GINS1: variants seen among roughly 807,000 people sequenced by gnomAD.
The protein encoded by GINS1 is DNA replication complex GINS protein PSF1.
GINS1 carries 26 observed loss-of-function variants against 34.9 expected under a neutral mutation model. The ratio of observed to expected loss-of-function variants is 0.74; its 90% CI spans 0.55 to 1.03. GINS1 has a LOEUF of 1.03. GINS1 is among the 50% of genes least tolerant of loss of function. The pLI is 0.00. For synonymous variants in GINS1, 97 were observed against 84.4 expected (o/e 1.15, Z -0.82); for missense variants, 235 against 237.9 (o/e 0.99, Z 0.08).
chr20:25,446,191 A>C lies in GINS1; in HGVS notation c.*200A>C. On this transcript the variant is annotated 3_prime_UTR_variant, in exon 7 of 7. Transcript: ENST00000262460. ...TTTAATGTTGTACACTATTCTTCCTACTCTTTTTTGGTTTTGGTTTTGTTT... is the reference window on the plus strand; with the variant it reads ...TTTAATGTTGTACACTATTCTTCCTCCTCTTTTTTGGTTTTGGTTTTGTTT... The C allele has an allele frequency of 2.4e-6, 1 of 410,564 alleles. No individual in the cohort carries two copies. Among genetic ancestry groups the C allele is most frequent in the Non-Finnish European group, 4.3e-6 (1 of 231,598 alleles). The allele number at this position is 410,564 out of a possible 1,614,324, so 25.4% of individuals were successfully genotyped here. A position where few individuals can be genotyped will look rare whatever the true frequency, so the allele number is the denominator to read the frequency against.
chr20:25,427,548 C>G (rs1028118673), intron 5 of GINS1, among the ~76,000 whole-genome samples: 1 of 152,130 alleles, frequency 6.6e-6, no homozygotes, highest in Non-Finnish European at 1.5e-5. Flanking sequence ...TTTTATTTCC[C>G]TAATGATTAG....
rs1317378258 is a variant in GINS1, at chr20:25,418,461, CATT to C, written c.330+273_330+275del. Among the ~76,000 whole-genome samples the C allele has an allele frequency of 2.0e-5, 3 of 152,140 alleles. No homozygotes were observed. The East Asian group carries it at 5.8e-4, about 29-fold the overall frequency. ...TCCATCAGTGGGATTAAAAAACTGGCATTATTATTTGGTGATATTCCATGAAAT... is the reference window on the plus strand; with the variant it reads ...TCCATCAGTGGGATTAAAAAACTGGCATTATTTGGTGATATTCCATGAAAT... On this transcript the variant is annotated intron_variant, in intron 4 of 6. Transcript: ENST00000262460.
Position 25,423,903 on chromosome 20 carries a change from C to T in GINS1, c.331-1308C>T, listed in dbSNP as rs1255996948. 2.6e-5 allele frequency among the ~76,000 whole-genome samples: 4 copies of T among 152,094 alleles called. No individual in the cohort carries two copies. In the South Asian group the frequency reaches 6.2e-4, roughly 24 times the overall value. Reference sequence around the variant, plus strand: ...TTCTGGGATTACAGGCGTGAGCCACCGTGCCCGGCCTTTTTTCTATGTAAT... The same window carrying T: ...TTCTGGGATTACAGGCGTGAGCCACTGTGCCCGGCCTTTTTTCTATGTAAT... On this transcript the variant is annotated intron_variant, in intron 4 of 6. Coordinates refer to ENST00000262460, the MANE Select transcript of GINS1 (RefSeq NM_021067.5).
intron 1 of GINS1, among the ~76,000 whole-genome samples, chr20:25,411,563 C>T (rs532541719): frequency 6.6e-6 from 1 of 152,200 alleles, no homozygotes; most frequent in South Asian, 2.1e-4. Flanking sequence ...CTTTGGGAGA[C>T]CATGGCAGGC....
At chr20:25,440,608 C>T (rs61547190) in intron 5 of GINS1, among the ~76,000 whole-genome samples, 2 of 151,846 alleles carry the variant, frequency 1.3e-5, no homozygotes, top group African/African-American at 4.8e-5. Context: ...GTCAGGAGTT[C>T]GAAACCAGCC....
chr20:25,420,781 CAAAAA>C (rs10540213), intron 4 of GINS1: 99 of 618,064 alleles, frequency 1.6e-4, no homozygotes, highest in Non-Finnish European at 1.7e-4. Context: ...GACCCTGTCT[CAAAAA>C]AAAAAAAAAA....
At chr20:25,410,521 A>T (rs1368509533) in intron 1 of GINS1, among the ~76,000 whole-genome samples, 1 of 152,132 alleles carries the variant, frequency 6.6e-6, no homozygotes, top group Non-Finnish European at 1.5e-5. Context: ...AGGAAGGCTG[A>T]CAGTGGATCT....
intron 5 of GINS1, among the ~76,000 whole-genome samples, chr20:25,436,899 T>C (rs991120317): frequency 1.3e-5 from 2 of 152,216 alleles, no homozygotes; most frequent in African/African-American, 4.8e-5. Flanking sequence ...AAACCAGACA[T>C]TTCAGTCTAA....
At chr20:25,424,624 T>C (rs532652742) in intron 4 of GINS1, among the ~76,000 whole-genome samples, 2 of 152,318 alleles carry the variant, frequency 1.3e-5, no homozygotes, top group East Asian at 3.9e-4. Flanking sequence ...ATAGTTACTC[T>C]ATATTTTCTT....
intron 4 of GINS1, among the ~76,000 whole-genome samples, chr20:25,423,621 T>C (rs2090372176): frequency 1.2e-5 from 1 of 81,434 alleles, no homozygotes; most frequent in Non-Finnish European, 2.4e-5. Context: ...TCTTTTTTTT[T>C]TTTTTTTTCC....
chr20:25,417,526 C>T (rs530110224), intron 3 of GINS1, among the ~76,000 whole-genome samples: 9 of 152,120 alleles, frequency 5.9e-5, no homozygotes, highest in South Asian at 2.1e-4. Flanking sequence ...CTACTGAATA[C>T]GGTAGTGTTC....
chr20:25,432,529 C>T (rs555499526), intron 5 of GINS1, among the ~76,000 whole-genome samples: 146 of 152,050 alleles, frequency 9.6e-4, no homozygotes, highest in Non-Finnish European at 2.0e-3. Context: ...TGCAGTGGTG[C>T]GATCTTGGCT....
chr20:25,445,045 T>G (rs1265456712), intron 6 of GINS1, among the ~76,000 whole-genome samples: 1 of 152,220 alleles, frequency 6.6e-6, no homozygotes, highest in Non-Finnish European at 1.5e-5. Flanking sequence ...TGCATAAATT[T>G]TAAAAATATA....
chr20:25,410,905 C>T (rs1410251242), intron 1 of GINS1, among the ~76,000 whole-genome samples: 4 of 152,120 alleles, frequency 2.6e-5, no homozygotes, highest in Admixed American at 2.6e-4. Flanking sequence ...TGGTTAAGCG[C>T]TGTGTTCAGC....
At chr20:25,418,919 G>A (rs940835511) in intron 4 of GINS1, among the ~76,000 whole-genome samples, 2 of 152,160 alleles carry the variant, frequency 1.3e-5, no homozygotes, top group African/African-American at 4.8e-5. Flanking sequence ...TTAATCACAT[G>A]GTTGGTCTTT....
chr20:25,413,845 A>G lies in GINS1; in HGVS notation c.131A>G (p.Gln44Arg). 6.5e-7 allele frequency: 1 copy of G among 1,536,296 alleles called. No homozygotes were observed. Among genetic ancestry groups the G allele is most frequent in the Non-Finnish European group, 9.0e-7 (1 of 1,108,910 alleles). ...EEMKALYEQN[Q>R]SDVNEAKSGG... ...ATGAAAGCTTTGTATGAACAAAACC[A>G]GTCTGATGTGTAAGTTTCATAAGAT... The change falls in exon 2 of 7, where the codon CAG becomes CGG. Residue 44 changes from glutamine to arginine, a missense_variant. By Grantham distance (43) the Gln-to-Arg change is conservative (BLOSUM62 1). Coordinates refer to ENST00000262460, the MANE Select transcript of GINS1 (RefSeq NM_021067.5).
chr20:25,439,566 A>G (rs2090471492), intron 5 of GINS1, among the ~76,000 whole-genome samples: 1 of 152,152 alleles, frequency 6.6e-6, no homozygotes, highest in African/African-American at 2.4e-5. Context: ...TATAGATTAA[A>G]AGAGACTTAC....
intron 5 of GINS1, among the ~76,000 whole-genome samples, chr20:25,430,623 T>C (rs2090421808): frequency 1.3e-5 from 2 of 152,146 alleles, no homozygotes; most frequent in Non-Finnish European, 2.9e-5. Context: ...CTCTGCCTCC[T>C]GGGTTCAAGC....
Position 25,446,155 on chromosome 20 carries a change from GA to G in GINS1, c.*165del. 2.1e-6 allele frequency: 1 copy of G among 477,752 alleles called. No individual in the cohort carries two copies. The highest frequency in any genetic ancestry group is 3.7e-6 in the Non-Finnish European group (1 of 269,528). The allele number at this position is 477,752 out of a possible 1,614,324, so 29.6% of individuals were successfully genotyped here. A position where few individuals can be genotyped will look rare whatever the true frequency, so the allele number is the denominator to read the frequency against. Reference sequence around the variant, plus strand: ...GAAGTATAATTTGCTAACTATTAAGGACTTTCTTTTTTTAATGTTGTACACT... The same window carrying G: ...GAAGTATAATTTGCTAACTATTAAGGCTTTCTTTTTTTAATGTTGTACACT... On this transcript the variant is annotated 3_prime_UTR_variant, in exon 7 of 7. Transcript: ENST00000262460.
Sources: allele counts gnomAD v4.1 joint callset (sites outside exome capture counted in the v4.1 genomes callset), GRCh38; gene constraint gnomAD v4.1.1; transcripts MANE v1.5; gene names NCBI Gene and HGNC (gene_info 2026-07-23, HGNC 2026-07-21).